CCDC27: variants seen among roughly 807,000 people sequenced by gnomAD.
The protein encoded by CCDC27 is coiled-coil domain-containing protein 27.
CCDC27 carries 80 observed loss-of-function variants against 80.3 expected under a neutral mutation model. The ratio of observed to expected loss-of-function variants is 1.00; its 90% CI spans 0.83 to 1.20. The LOEUF is 1.20. Among genes scored for constraint, CCDC27 ranks in the 50% most tolerant of loss-of-function variants. The pLI is 0.00. For missense variants in CCDC27, 815 were observed against 809.4 expected (o/e 1.01, Z -0.08); for synonymous variants, 342 against 334.3 (o/e 1.02, Z -0.25).
Position 3,762,771 on chromosome 1 carries a change from G to A in CCDC27, c.954+59G>A, listed in dbSNP as rs1643119126. On this transcript the variant is annotated intron_variant, in intron 6 of 11. Transcript: ENST00000294600. The stretch of plus-strand genomic sequence containing the variant: ...GGGACCCGGGCCCAGGAGCCACCTA[G>A]GCTGCTTAACTAAGAGGCCCAGGCC... 9 of 1,460,098 alleles carry A rather than the reference G, an allele frequency of 6.2e-6. No individual in the cohort carries two copies. The East Asian group carries it at 2.0e-4, about 32-fold the overall frequency. The allele number at this position is 1,460,098 out of a possible 1,614,324, so 90.4% of individuals were successfully genotyped here. A position where few individuals can be genotyped will look rare whatever the true frequency, so the allele number is the denominator to read the frequency against.
chr1:3,761,478 T>G lies in CCDC27; in HGVS notation c.861+48T>G. ...CAGCGCAGAGCTCTAAGACGGTTGT[T>G]TTCAAAGCGTCCAAAGCTGCTAGTG... On this transcript the variant is annotated intron_variant, in intron 5 of 11. Coordinates refer to ENST00000294600, the MANE Select transcript of CCDC27 (RefSeq NM_152492.3). This position sits in a 1 kb window ranked among gnomAD's most constrained non-coding sequence, Gnocchi z 5.0. The G allele has an allele frequency of 1.3e-6, 2 of 1,588,260 alleles. No individual in the cohort carries two copies. The highest frequency in any genetic ancestry group is 1.7e-6 in the Non-Finnish European group (2 of 1,166,968).
chr1:3,769,227 G>A lies in CCDC27; in HGVS notation c.1744-556G>A, dbSNP rs1255849029. Among the ~76,000 whole-genome samples the A allele has an allele frequency of 6.6e-6, 1 of 152,168 alleles. No individual in the cohort carries two copies. Among genetic ancestry groups the A allele is most frequent in the East Asian group, 1.9e-4 (1 of 5,194 alleles). On this transcript the variant is annotated intron_variant, in intron 10 of 11. Transcript: ENST00000294600. The surrounding 1 kb of genome is among the most constrained non-coding windows in gnomAD (Gnocchi z 4.6). ...GGCTGCGGGTGTACAGGCAGACAAGGATCTTCATGGCAGCAGAAGACGAGA... is the reference window on the plus strand; with the variant it reads ...GGCTGCGGGTGTACAGGCAGACAAGAATCTTCATGGCAGCAGAAGACGAGA...
At position 3,752,805 on chromosome 1, in the gene CCDC27, G is replaced by A. The variant is rs1570696415; in HGVS notation, c.318+6G>A. 6.2e-7 allele frequency: 1 copy of A among 1,608,694 alleles called. No homozygotes were observed. The highest frequency in any genetic ancestry group is 8.5e-7 in the Non-Finnish European group (1 of 1,176,468). Reference sequence around the variant, plus strand: ...GCCGCTACTACAGGAAGACGGTATGGGGTCCCGGGAGGAGGGCTGCCACGA... The same window carrying A: ...GCCGCTACTACAGGAAGACGGTATGAGGTCCCGGGAGGAGGGCTGCCACGA... On this transcript the variant is annotated splice_donor_region_variant and intron_variant, in intron 1 of 11. Coordinates refer to ENST00000294600, the MANE Select transcript of CCDC27 (RefSeq NM_152492.3).
chr1:3,762,427 C>A (rs988984391), intron 5 of CCDC27, among the ~76,000 whole-genome samples, 193 bp from the exon 6 acceptor site: 16 of 152,170 alleles, frequency 1.1e-4, no homozygotes, highest in Admixed American at 1.3e-4. Context: ...CACTGCCCCC[C>A]AGAACTGCCC....
In CCDC27 at chr1:3,768,387, G is replaced by A. The variant is rs765107546; in HGVS notation, c.1743+942G>A. Among the ~76,000 whole-genome samples the A allele has an allele frequency of 8.5e-5, 13 of 152,144 alleles. No individual in the cohort carries two copies. The highest frequency in any genetic ancestry group is 2.2e-4 in the African/African-American group (9 of 41,416). ...GTTGGGAATACAGGTGTGAGCTACC[G>A]TGCCTGGCCCTGACCTTGATTTAGA... On this transcript the variant is annotated intron_variant, in intron 10 of 11. Coordinates refer to ENST00000294600, the MANE Select transcript of CCDC27 (RefSeq NM_152492.3). This position sits in a 1 kb window ranked among gnomAD's most constrained non-coding sequence, Gnocchi z 5.6.
Position 3,767,193 on chromosome 1 carries a change from G to A in CCDC27, c.1531-40G>A, listed in dbSNP as rs377674317. The stretch of plus-strand genomic sequence containing the variant: ...GGTGCCACACATACTCAGGTTGGGC[G>A]AAATGACCCCACCTCTTTTTTCTCC... On this transcript the variant is annotated intron_variant, in intron 9 of 11. Transcript: ENST00000294600. The A allele has an allele frequency of 2.1e-4, 331 of 1,592,540 alleles. 2 individuals carry two copies. The highest frequency in any genetic ancestry group is 1.2e-3 in the South Asian group (111 of 89,784).
rs1553153703 is a variant in CCDC27, at chr1:3,763,733, T to C, written c.1349T>C (p.Val450Ala). ...GTGATTGCGTCTTTACAACAACAAG[T>C]GGATTTCCAAGAAACCCAGCTGCGA... ...TGVIASLQQQ[V>A]DFQETQLRKI... Residue 450 changes from valine (V) to alanine (A), a missense_variant, in exon 8 of 12, where the codon GTG (valine) becomes GCG (alanine). Val to Ala is a moderately conservative substitution (Grantham distance 64). Transcript: ENST00000294600. This position sits in a 1 kb window ranked among gnomAD's most constrained non-coding sequence, Gnocchi z 7.5. The C allele has an allele frequency of 6.2e-7, 1 of 1,614,050 alleles. No homozygotes were observed. The highest frequency in any genetic ancestry group is 8.5e-7 in the Non-Finnish European group (1 of 1,179,970).
rs1440628459 is a variant in CCDC27, at chr1:3,766,546, C to T, written c.1464C>T (p.Leu488=). Reference sequence around the variant, plus strand: ...CTGTCTCCTTCCAGTTCTCCAACCTCCGAGAAGATAAGAAACACCAAGAGA... The same window carrying T: ...CTGTCTCCTTCCAGTTCTCCAACCTTCGAGAAGATAAGAAACACCAAGAGA... The part of the protein sequence containing the change: ...LQAMTDKFSN[L]REDKKHQEMM... Residue 488 remains leucine, a synonymous_variant, in exon 9 of 12, where the codon CTC becomes CTT. Coordinates refer to ENST00000294600, the MANE Select transcript of CCDC27 (RefSeq NM_152492.3). This position sits in a 1 kb window ranked among gnomAD's most constrained non-coding sequence, Gnocchi z 6.1. The T allele has an allele frequency of 1.2e-6, 2 of 1,613,782 alleles. No homozygotes were observed. Among genetic ancestry groups the T allele is most frequent in the Admixed American group, 3.3e-5 (2 of 59,974 alleles).
intron 8 of CCDC27, among the ~76,000 whole-genome samples, chr1:3,765,054 G>A (rs543122052): frequency 3.1e-4 from 45 of 146,020 alleles, no homozygotes; most frequent in South Asian, 1.1e-3. Context: ...AAAAAAAAAC[G>A]ATGAACAGGG....
At chr1:3,758,028 T>C (rs1337206881) in intron 4 of CCDC27, among the ~76,000 whole-genome samples, 1 of 152,144 alleles carries the variant, frequency 6.6e-6, no homozygotes, top group Non-Finnish European at 1.5e-5. Flanking sequence ...GTGCTGTGAT[T>C]AGGGGTGTGA....
chr1:3,764,367 C>A (rs1212799133), intron 8 of CCDC27, among the ~76,000 whole-genome samples: 1 of 152,204 alleles, frequency 6.6e-6, no homozygotes, highest in Non-Finnish European at 1.5e-5. Context: ...ATTTTAAATT[C>A]TTCCAGCACG....
At chr1:3,753,845 C>A (rs1437293018) in intron 1 of CCDC27, among the ~76,000 whole-genome samples, 2 of 151,718 alleles carry the variant, frequency 1.3e-5, no homozygotes, top group African/African-American at 4.8e-5. Context: ...CAGGCAGAAG[C>A]AGGGCCCCCG....
chr1:3,756,471 G>A, intron 3 of CCDC27: 1 of 356,512 alleles, frequency 2.8e-6, no homozygotes, highest in Non-Finnish European at 5.2e-6. Context: ...TGTCCTGGGT[G>A]TCTCGGCCAG....
Position 3,763,074 on chromosome 1 carries a change from G to T in CCDC27, c.955-34G>T. The T allele has an allele frequency of 6.9e-7, 1 of 1,456,218 alleles. No homozygotes were observed. The highest frequency in any genetic ancestry group is 9.1e-7 in the Non-Finnish European group (1 of 1,103,030). 90.2% of individuals were successfully genotyped at this position (1,456,218 alleles called of 1,614,324 possible). ...CCCTCTGCCCTGGGGGTGCCCCGCA[G>T]CCCTGCCCAGCCCCTGCCCTACCCA... is the stretch of plus-strand genomic sequence containing the variant. On this transcript the variant is annotated intron_variant, in intron 6 of 11. Coordinates refer to ENST00000294600, the MANE Select transcript of CCDC27 (RefSeq NM_152492.3). This position sits in a 1 kb window ranked among gnomAD's most constrained non-coding sequence, Gnocchi z 7.5.
chr1:3,767,155 GA>G, intron 9 of CCDC27, 77 bp from the exon 10 acceptor site: 2 of 1,395,864 alleles, frequency 1.4e-6, no homozygotes, highest in South Asian at 1.3e-5. Flanking sequence ...CATCTTTTAG[GA>G]AAAAGTGGAT....
At position 3,761,182 on chromosome 1, in the gene CCDC27, C is replaced by G; in HGVS notation, c.712-99C>G. ...GGGACCCTGGGGTTTTGGGGTACCA[C>G]GACAGCAGATCTGCTCCTCCTGGGT... On this transcript the variant is annotated intron_variant, in intron 4 of 11. Coordinates refer to ENST00000294600, the MANE Select transcript of CCDC27 (RefSeq NM_152492.3). The surrounding 1 kb of genome is among the most constrained non-coding windows in gnomAD (Gnocchi z 5.0). The G allele has an allele frequency of 6.9e-7, 1 of 1,445,010 alleles. No individual in the cohort carries two copies. The allele number at this position is 1,445,010 out of a possible 1,614,324, so 89.5% of individuals were successfully genotyped here. A position where few individuals can be genotyped will look rare whatever the true frequency, so the allele number is the denominator to read the frequency against.
In CCDC27 at chr1:3,756,720, G is replaced by A. The variant is rs563384294; in HGVS notation, c.554-13G>A. The A allele has an allele frequency of 6.2e-6, 10 of 1,613,204 alleles. No homozygotes were observed. In the East Asian group the frequency reaches 6.7e-5, roughly 11 times the overall value. ...GGGTCTCATTTCTCACTTGGCCTCC[G>A]CTGTCGCCACAGGGTACCTCCTTCC... On this transcript the variant is annotated splice_polypyrimidine_tract_variant and intron_variant, in intron 3 of 11. Transcript: ENST00000294600.
At position 3,769,682 on chromosome 1, in the gene CCDC27, C is replaced by G; in HGVS notation, c.1744-101C>G. On this transcript the variant is annotated intron_variant, in intron 10 of 11. Transcript: ENST00000294600. The surrounding 1 kb of genome is among the most constrained non-coding windows in gnomAD (Gnocchi z 4.6). ...CCATGAAAAGTGAGGGTGAGCTGTT[C>G]CTTCCTGGTACATAAAAAATAAGGT... 1.3e-6 allele frequency: 1 copy of G among 793,322 alleles called. No individual in the cohort carries two copies. The highest frequency in any genetic ancestry group is 2.3e-6 in the Non-Finnish European group (1 of 443,570). The allele number at this position is 793,322 out of a possible 1,614,324, so 49.1% of individuals were successfully genotyped here. A position where few individuals can be genotyped will look rare whatever the true frequency, so the allele number is the denominator to read the frequency against.
Position 3,769,062 on chromosome 1 carries a change from G to A in CCDC27, c.1744-721G>A, listed in dbSNP as rs966756848. Among the ~76,000 whole-genome samples, 32 of 152,168 alleles carry A rather than the reference G, an allele frequency of 2.1e-4. No individual in the cohort carries two copies. The highest frequency in any genetic ancestry group is 3.1e-4 in the Non-Finnish European group (21 of 68,032). ...AGCTCCTGTGGGGCACCTCTGCGTC[G>A]TCAGGGTTTCTGGACGAGGAACTCG... On this transcript the variant is annotated intron_variant, in intron 10 of 11. Transcript: ENST00000294600. This position sits in a 1 kb window ranked among gnomAD's most constrained non-coding sequence, Gnocchi z 4.6.
Sources: gnomAD v4.1 joint callset for allele counts (sites outside exome capture counted in the v4.1 genomes callset) on GRCh38, gnomAD v4.1.1 for gene constraint, Gnocchi (gnomAD v3.1) non-coding constraint, MANE v1.5 for transcripts, NCBI Gene and HGNC (gene_info 2026-07-23, HGNC 2026-07-21) for gene names.